The following OSTF1 variants were observed in gnomAD, a reference collection of about 807,000 sequenced individuals.
OSTF1 encodes osteoclast-stimulating factor 1.
A neutral mutation model predicts 37.2 loss-of-function variants in OSTF1; 27 were observed. The observed-to-expected ratio is 0.73, with a 90% CI of 0.54 to 1.00. The LOEUF is 1.00. Among genes scored for constraint, OSTF1 ranks in the 50% least tolerant of loss-of-function variants. The pLI is 0.00. For synonymous variants in OSTF1, 82 were observed against 89.2 expected, an observed-to-expected ratio of 0.92 and a Z score of 0.46; for missense variants, 232 against 253.8, an observed-to-expected ratio of 0.91 and a Z score of 0.58.
At chr9:75,111,746 A>T (rs1825391988) in intron 1 of OSTF1, among the ~76,000 whole-genome samples, 1 of 151,080 alleles carries the variant, frequency 6.6e-6, no homozygotes, top group African/African-American at 2.4e-5. Flanking sequence ...CCTTGCATAC[A>T]CAAGAACAAG....
chr9:75,098,510 A>T (rs1825129386), intron 1 of OSTF1, among the ~76,000 whole-genome samples: 1 of 152,214 alleles, frequency 6.6e-6, no homozygotes, highest in Non-Finnish European at 1.5e-5. Context: ...ATATGCACAG[A>T]TTCCAAGGAG....
chr9:75,140,792 A>G lies in OSTF1; in HGVS notation c.488-42A>G. On this transcript the variant is annotated intron_variant, in intron 8 of 9. Transcript: ENST00000346234. ...GAGAGAGGATTGGCTACTACTATAT[A>G]GTCTTCAAAGACACCTAATTGACTT... is the stretch of plus-strand genomic sequence containing the variant. 2.1e-6 allele frequency: 3 copies of G among 1,405,492 alleles called. No individual in the cohort carries two copies. In the Admixed American group the frequency reaches 5.1e-5, roughly 24 times the overall value. The allele number at this position is 1,405,492 out of a possible 1,614,324, so 87.1% of individuals were successfully genotyped here. A position where few individuals can be genotyped will look rare whatever the true frequency, so the allele number is the denominator to read the frequency against.
At position 75,088,517 on chromosome 9, in the gene OSTF1, C is replaced by T. The variant is rs985568376; in HGVS notation, c.-176C>T. The T allele has an allele frequency of 4.4e-6, 3 of 678,102 alleles. No homozygotes were observed. The highest frequency in any genetic ancestry group is 5.0e-6 in the Non-Finnish European group (2 of 400,180). 42.0% of individuals were successfully genotyped at this position (678,102 alleles called of 1,614,324 possible). On this transcript the variant is annotated 5_prime_UTR_variant, in exon 1 of 10. Coordinates refer to ENST00000346234, the MANE Select transcript of OSTF1 (RefSeq NM_012383.5). The stretch of plus-strand genomic sequence containing the variant: ...CGGCCGCGGGGCGGGGCGGAGCACT[C>T]GGCGGAGCCGCTCTGCCTGCGTCCG...
At chr9:75,091,355 C>T (rs1824972225) in intron 1 of OSTF1, among the ~76,000 whole-genome samples, 1 of 151,966 alleles carries the variant, frequency 6.6e-6, no homozygotes. Context: ...GATCACTGTG[C>T]CTGGCCAAAG....
intron 4 of OSTF1, 62 bp from the exon 5 acceptor site, chr9:75,131,708 C>A: frequency 7.9e-7 from 1 of 1,268,020 alleles, no homozygotes; most frequent in Non-Finnish European, 1.2e-6. Context: ...GAATGAGTGG[C>A]TTCAGTAAAT....
intron 1 of OSTF1, among the ~76,000 whole-genome samples, chr9:75,098,823 A>G (rs1033489983): frequency 2.6e-5 from 4 of 152,232 alleles, no homozygotes; most frequent in African/African-American, 9.6e-5. Context: ...GAGGGTTTTC[A>G]GTGCTTATCT....
rs1291063973 is a variant in OSTF1, at chr9:75,130,226, TA to T, written c.133-344del. Among the ~76,000 whole-genome samples, 5 of 151,988 alleles carry T rather than the reference TA, an allele frequency of 3.3e-5. No homozygotes were observed. The South Asian group carries it at 8.3e-4, about 25-fold the overall frequency. On this transcript the variant is annotated intron_variant, in intron 3 of 9. Transcript: ENST00000346234. ...GAGATCTTTAGAACTTCCTCCCCCATAAAAAAAATTATCTCAAAGCTAAGAG... is the reference window on the plus strand; with the variant it reads ...GAGATCTTTAGAACTTCCTCCCCCATAAAAAAATTATCTCAAAGCTAAGAG...
chr9:75,117,361 C>A (rs1021591227), intron 1 of OSTF1, 143 bp from the exon 2 acceptor site: 10 of 593,890 alleles, frequency 1.7e-5, no homozygotes, highest in Admixed American at 6.7e-5. Flanking sequence ...TTTCTCTCTA[C>A]CCTTTCCAGC....
In OSTF1 at chr9:75,129,714, A is replaced by G. The variant is rs78635131; in HGVS notation, c.133-864A>G. On this transcript the variant is annotated intron_variant, in intron 3 of 9. Transcript: ENST00000346234. ...GAGGTTGACACTACAGAACAAACCA[A>G]CTGGATTCTTCAACAAATACATTGT... Among the ~76,000 whole-genome samples, 8 of 152,340 alleles carry G rather than the reference A, an allele frequency of 5.3e-5. No individual in the cohort carries two copies. The East Asian group carries it at 1.5e-3, about 29-fold the overall frequency.
chr9:75,101,448 C>T (rs1395276111), intron 1 of OSTF1, among the ~76,000 whole-genome samples: 1 of 152,132 alleles, frequency 6.6e-6, no homozygotes, highest in Non-Finnish European at 1.5e-5. Context: ...CTTTGGACAG[C>T]TTGTTAGTTT....
chr9:75,091,666 C>T (rs1165160101), intron 1 of OSTF1, among the ~76,000 whole-genome samples: 1 of 152,116 alleles, frequency 6.6e-6, no homozygotes, highest in East Asian at 1.9e-4. Context: ...AACCTTGCCT[C>T]ATTCCAAAAG....
chr9:75,139,611 T>C (rs1178044691), intron 8 of OSTF1, among the ~76,000 whole-genome samples: 1 of 152,130 alleles, frequency 6.6e-6, no homozygotes, highest in African/African-American at 2.4e-5. Context: ...GTATTTTTAG[T>C]AGAGATGGGC....
At chr9:75,094,631 C>T (rs987432136) in intron 1 of OSTF1, among the ~76,000 whole-genome samples, 6 of 151,744 alleles carry the variant, frequency 4.0e-5, no homozygotes, top group Non-Finnish European at 8.8e-5. Context: ...CAAAGTTGTC[C>T]TCACTTGCTT....
At chr9:75,136,480 C>T (rs1442187462) in intron 7 of OSTF1, among the ~76,000 whole-genome samples, 1 of 152,106 alleles carries the variant, frequency 6.6e-6, no homozygotes, top group Admixed American at 6.5e-5. Context: ...GCAACCTCTG[C>T]CTCCCGGGTT....
chr9:75,121,437 A>G (rs1825579284), intron 2 of OSTF1, among the ~76,000 whole-genome samples: 1 of 152,186 alleles, frequency 6.6e-6, no homozygotes, highest in Non-Finnish European at 1.5e-5. Context: ...TATATTTAAA[A>G]TGTTGTATTT....
chr9:75,115,412 C>G (rs2118505550), intron 1 of OSTF1, among the ~76,000 whole-genome samples: 1 of 152,298 alleles, frequency 6.6e-6, no homozygotes, highest in East Asian at 1.9e-4. Flanking sequence ...CTGCCTCAGC[C>G]TCCTGAGTAG....
chr9:75,133,001 AC>A (rs1564167183), intron 5 of OSTF1, among the ~76,000 whole-genome samples: 1 of 27,908 alleles, frequency 3.6e-5, no homozygotes, highest in African/African-American at 9.6e-5. Context: ...ACACACACAC[AC>A]ACACACACAC....
intron 1 of OSTF1, among the ~76,000 whole-genome samples, chr9:75,092,614 A>G (rs992054755): frequency 2.6e-5 from 4 of 152,212 alleles, no homozygotes; most frequent in Non-Finnish European, 1.5e-5. Flanking sequence ...TAAACAATAA[A>G]TATATAACTA....
At position 75,106,871 on chromosome 9, in the gene OSTF1, T is replaced by G. The variant is rs547813474; in HGVS notation, c.35-10633T>G. Among the ~76,000 whole-genome samples, 8 of 151,210 alleles carry G rather than the reference T, an allele frequency of 5.3e-5. No homozygotes were observed. The South Asian group carries it at 1.5e-3, about 28-fold the overall frequency. On this transcript the variant is annotated intron_variant, in intron 1 of 9. Transcript: ENST00000346234. ...TGGGAGGCTGAGGTAGGAGAATCAC[T>G]TGAACCTGGGACGCGGAGGTTGCAG...
Sources: allele counts gnomAD v4.1 joint callset (sites outside exome capture counted in the v4.1 genomes callset), GRCh38; gene constraint gnomAD v4.1.1; transcripts MANE v1.5; gene names NCBI Gene and HGNC (gene_info 2026-07-23, HGNC 2026-07-21).